The following PTPN2 variants were observed in gnomAD, a reference collection of about 807,000 sequenced individuals.
The protein encoded by PTPN2 is protein tyrosine phosphatase non-receptor type 2.
In PTPN2, 19 loss-of-function variants were observed where a neutral mutation model predicts 57.3. The ratio of observed to expected loss-of-function variants is 0.33; its 90% CI spans 0.23 to 0.49. PTPN2 has a LOEUF of 0.49. Ranked by LOEUF, PTPN2 falls within the 20% of genes least tolerant of loss-of-function variation. The pLI is 0.99. For missense variants in PTPN2, 358 were observed against 501.1 expected (o/e 0.71, Z 2.73); for synonymous variants, 153 against 164.9 (o/e 0.93, Z 0.55).
intron 1 of PTPN2, among the ~76,000 whole-genome samples, chr18:12,859,998 C>T (rs1277131497): frequency 1.3e-5 from 2 of 151,840 alleles, no homozygotes; most frequent in African/African-American, 4.8e-5. Context: ...ATTAAAAATA[C>T]AAAAATTTGG....
chr18:12,860,911 AC>A (rs1319135233), intron 1 of PTPN2, among the ~76,000 whole-genome samples: 1 of 152,200 alleles, frequency 6.6e-6, no homozygotes, highest in Admixed American at 6.5e-5. Context: ...TGTAACAGAA[AC>A]CAAAAAAAAA....
chr18:12,806,903 T>C (rs961829588), intron 7 of PTPN2, among the ~76,000 whole-genome samples: 1 of 152,110 alleles, frequency 6.6e-6, no homozygotes, highest in Non-Finnish European at 1.5e-5. Flanking sequence ...GGGTCTTTTG[T>C]ATAAGACCTC....
At chr18:12,835,597 A>G (rs1326704668) in intron 3 of PTPN2, among the ~76,000 whole-genome samples, 2 of 152,050 alleles carry the variant, frequency 1.3e-5, no homozygotes, top group East Asian at 3.9e-4. Context: ...GCTGGTCTCA[A>G]ACTCCTGATC....
intron 2 of PTPN2, among the ~76,000 whole-genome samples, chr18:12,842,223 T>C (rs1374418677): frequency 3.3e-5 from 5 of 152,048 alleles, no homozygotes; most frequent in African/African-American, 9.7e-5. Context: ...ACCATTTTCT[T>C]TGAAACTCAG....
At chr18:12,787,001 A>G (rs200560698) in intron 9 of PTPN2, 2 of 152,222 alleles carry the variant, frequency 1.3e-5, no homozygotes, top group East Asian at 3.8e-4. Context: ...TGCAAAATAT[A>G]TATGTTTTCC....
At chr18:12,830,244 G>C (rs2042624371) in intron 4 of PTPN2, among the ~76,000 whole-genome samples, 1 of 152,012 alleles carries the variant, frequency 6.6e-6, no homozygotes, top group South Asian at 2.1e-4. Context: ...CCACCTCCTA[G>C]GTTCAAGCGG....
intron 5 of PTPN2, chr18:12,819,116 T>G: frequency 2.3e-6 from 1 of 441,306 alleles, no homozygotes; most frequent in Non-Finnish European, 3.8e-6. Context: ...AAAAAATCCA[T>G]TTTGCAGTAG....
chr18:12,884,158 T>C lies in PTPN2; in HGVS notation c.-17A>G. 2 of 1,571,944 alleles carry C rather than the reference T, an allele frequency of 1.3e-6. No homozygotes were observed. Among genetic ancestry groups the C allele is most frequent in the Non-Finnish European group, 1.7e-6 (2 of 1,161,086 alleles). ...GGTGGGCATGGCTGCGGGAGCGAGC[T>C]GGCGCGAGCAGAGCCTGCGCCGGCG... On this transcript the variant is annotated 5_prime_UTR_variant, in exon 1 of 9. Transcript: ENST00000309660.
chr18:12,875,181 A>C (rs917241472), intron 1 of PTPN2, among the ~76,000 whole-genome samples: 1 of 152,198 alleles, frequency 6.6e-6, no homozygotes, highest in African/African-American at 2.4e-5. Context: ...GGAAGGCCTC[A>C]GGGTCCTCTG....
intron 7 of PTPN2, among the ~76,000 whole-genome samples, chr18:12,808,545 C>A (rs2041775641): frequency 6.6e-6 from 1 of 152,202 alleles, no homozygotes; most frequent in Non-Finnish European, 1.5e-5. Context: ...CTTTGGGAGG[C>A]TGAGGCAGGT....
At chr18:12,842,060 C>T (rs990593233) in intron 2 of PTPN2, among the ~76,000 whole-genome samples, 12 of 152,264 alleles carry the variant, frequency 7.9e-5, no homozygotes, top group African/African-American at 2.9e-4. Flanking sequence ...GCATGTGCCA[C>T]CACGCCCAGC....
At position 12,793,216 on chromosome 18, in the gene PTPN2, T is replaced by TA. The variant is rs1429766761; in HGVS notation, c.*1061dup. ...GTTAAATTCATTAAACAGTTTGCTT[T>TA]AAAAAATATTCATTAAGTTAAAATG... On this transcript the variant is annotated 3_prime_UTR_variant, in exon 9 of 9. Coordinates refer to ENST00000309660, the MANE Select transcript of PTPN2 (RefSeq NM_002828.4). 1.1e-5 allele frequency: 11 copies of TA among 976,936 alleles called. No homozygotes were observed. Among genetic ancestry groups the TA allele is most frequent in the Middle Eastern group, 5.2e-4 (1 of 1,914 alleles). 60.5% of individuals were successfully genotyped at this position (976,936 alleles called of 1,614,324 possible).
intron 7 of PTPN2, among the ~76,000 whole-genome samples, chr18:12,805,313 T>C (rs1193874357): frequency 6.6e-6 from 1 of 151,768 alleles, no homozygotes; most frequent in Non-Finnish European, 1.5e-5. Flanking sequence ...AAAAAATAGC[T>C]GGGTGTGGTG....
At chr18:12,807,602 T>TATACAC (rs2041726153) in intron 7 of PTPN2, among the ~76,000 whole-genome samples, 1 of 98,672 alleles carries the variant, frequency 1.0e-5, no homozygotes, top group Non-Finnish European at 2.1e-5. Context: ...TATATATATA[T>TATACAC]ATAATATAAT....
At position 12,794,110 on chromosome 18, in the gene PTPN2, A is replaced by T. The variant is rs1022428746; in HGVS notation, c.*168T>A. ...TTGGGGTTCAGAGGAACCTGCAGTC[A>T]AGAGTCCTGAGATGTTGGGCTTGTG... On this transcript the variant is annotated 3_prime_UTR_variant, in exon 9 of 9. Transcript: ENST00000309660. 41 of 1,440,186 alleles carry T rather than the reference A, an allele frequency of 2.8e-5. 1 individual carries two copies. In the African/African-American group the frequency reaches 4.9e-4, roughly 17 times the overall value. 89.2% of individuals were successfully genotyped at this position (1,440,186 alleles called of 1,614,324 possible). A position where few individuals can be genotyped will look rare whatever the true frequency, so the allele number is the denominator to read the frequency against.
rs571149558 is a variant in PTPN2 at position 12,868,795 on chromosome 18, A to G, written c.70-9541T>C. On this transcript the variant is annotated intron_variant, in intron 1 of 8. Transcript: ENST00000309660. The stretch of plus-strand genomic sequence containing the variant: ...TGGGATTACAGGCGTGAGCTACCAC[A>G]CCCAGCTCCTGATTTGTTTTAACAA... Among the ~76,000 whole-genome samples the G allele has an allele frequency of 5.8e-3, 876 of 150,902 alleles. 5 individuals carry two copies. The highest frequency in any genetic ancestry group is 0.012 in the Admixed American group (190 of 15,232).
intron 4 of PTPN2, 49 bp from the exon 5 acceptor site, chr18:12,825,993 T>C: frequency 2.8e-6 from 4 of 1,451,198 alleles, no homozygotes; most frequent in Non-Finnish European, 3.8e-6. Context: ...ATAGACATCA[T>C]GAAACCATAA....
intron 2 of PTPN2, among the ~76,000 whole-genome samples, chr18:12,841,425 A>G (rs2043041904): frequency 6.6e-6 from 1 of 152,250 alleles, no homozygotes; most frequent in African/African-American, 2.4e-5. Context: ...AGCATAGAAG[A>G]TGGACTGAAC....
intron 4 of PTPN2, among the ~76,000 whole-genome samples, 180 bp from the exon 5 acceptor site, chr18:12,826,124 C>T (rs541138027): frequency 4.6e-5 from 7 of 152,240 alleles, no homozygotes; most frequent in South Asian, 2.1e-4. Context: ...ATTTTATAGC[C>T]GGGCGCGGTG....
Sources: allele counts gnomAD v4.1 joint callset (sites outside exome capture counted in the v4.1 genomes callset), GRCh38; gene constraint gnomAD v4.1.1; transcripts MANE v1.5; gene names NCBI Gene and HGNC (gene_info 2026-07-23, HGNC 2026-07-21).